CCDC144A: variants seen among roughly 807,000 people sequenced by gnomAD.
CCDC144A encodes coiled-coil domain containing 144A, also known as coiled-coil domain-containing protein 144A.
A neutral mutation model predicts 143.8 loss-of-function variants in CCDC144A; 41 were observed. The observed-to-expected ratio is 0.29, with a 90% CI of 0.22 to 0.37. CCDC144A has a LOEUF of 0.37. Among genes scored for constraint, CCDC144A ranks in the 10% least tolerant of loss-of-function variants. The probability of loss-of-function intolerance (pLI) is 1.00; values close to 1 mark genes in which losing one functional copy is unlikely to be tolerated. For synonymous variants in CCDC144A, 242 were observed against 517.9 expected (o/e 0.47, Z 7.23); for missense variants, 637 against 1,488.8 (o/e 0.43, Z 9.41).
intron 9 of CCDC144A, among the ~76,000 whole-genome samples, chr17:16,729,991 T>TATATATATATATATATACACAC (rs1491438660): frequency 1.7e-4 from 19 of 114,856 alleles, no homozygotes; most frequent in African/African-American, 5.7e-4. Flanking sequence ...TATATATATA[T>TATATATATATATATATACACAC]ACACACATAC....
intron 15 of CCDC144A, among the ~76,000 whole-genome samples, chr17:16,769,202 C>T (rs558503153): frequency 2.6e-4 from 39 of 152,254 alleles, no homozygotes; most frequent in Middle Eastern, 3.4e-3. Flanking sequence ...TGGGCAGACA[C>T]ATCTTTTGAA....
chr17:16,751,777 C>A (rs1914805456), intron 12 of CCDC144A, among the ~76,000 whole-genome samples: 1 of 152,248 alleles, frequency 6.6e-6, no homozygotes, highest in Admixed American at 6.5e-5. Context: ...GATCCCCGGG[C>A]AGGGCTGTGG....
At chr17:16,771,886 T>C in intron 15 of CCDC144A, 91 bp from the exon 16 acceptor site, 2 of 1,036,880 alleles carry the variant, frequency 1.9e-6, no homozygotes, top group Non-Finnish European at 2.8e-6. Context: ...TCTGTAAAAG[T>C]ATTATTTAAA....
rs758971425 is a variant in CCDC144A at position 16,709,536 on chromosome 17, A to C, written c.1479A>C (p.Glu493Asp). ...GAACATCAGAAGTATATCTACATGA[A>C]GAATTACAGCAAGACATGCAAAAGT... ...SDRTSEVYLH[E>D]ELQQDMQKFK... Residue 493 changes from glutamate to aspartate, a missense_variant, in exon 5 of 17, where the codon GAA becomes GAC. Transcript: ENST00000399273. 3 of 1,611,704 alleles carry C rather than the reference A, an allele frequency of 1.9e-6. No homozygotes were observed. In the South Asian group the frequency reaches 3.3e-5, roughly 18 times the overall value.
At position 16,711,792 on chromosome 17, in the gene CCDC144A, G is replaced by C; in HGVS notation, c.1692G>C (p.Arg564Ser). The stretch of plus-strand genomic sequence containing the variant: ...ATGGACTAAATCAGCAGATTCCTAG[G>C]AAGGAAAATGGAGAGCATGACAGGT... ...DDDGLNQQIP[R>S]KENGEHDRPA... The change falls in exon 6 of 17, where the codon AGG becomes AGC. Residue 564 changes from arginine to serine, a missense_variant. By Grantham distance (110) the Arg-to-Ser change is moderately radical (BLOSUM62 -1). Coordinates refer to ENST00000399273, the MANE Select transcript of CCDC144A (RefSeq NM_001382000.1). 6.3e-7 allele frequency: 1 copy of C among 1,587,662 alleles called. No individual in the cohort carries two copies. The highest frequency in any genetic ancestry group is 2.3e-5 in the East Asian group (1 of 44,270).
chr17:16,730,626 G>A (rs1432071259), intron 9 of CCDC144A, among the ~76,000 whole-genome samples: 1 of 113,608 alleles, frequency 8.8e-6, no homozygotes, highest in Admixed American at 9.0e-5. Flanking sequence ...TGAACATAGG[G>A]CATATTTCCA....
At chr17:16,728,120 T>G (rs1913522214) in intron 9 of CCDC144A, among the ~76,000 whole-genome samples, 1 of 152,226 alleles carries the variant, frequency 6.6e-6, no homozygotes, top group Middle Eastern at 3.2e-3. Context: ...TGATCATACC[T>G]CCCTGCAGCC....
At chr17:16,740,511 A>C (rs1405773211) in intron 12 of CCDC144A, among the ~76,000 whole-genome samples, 7 of 152,262 alleles carry the variant, frequency 4.6e-5, no homozygotes, top group Non-Finnish European at 8.8e-5. Flanking sequence ...GAATTTCAAA[A>C]TTTCAGAGCC....
In CCDC144A at chr17:16,712,315, A is replaced by G. The variant is rs563770668; in HGVS notation, c.1715+500A>G. Among the ~76,000 whole-genome samples, 572 of 152,214 alleles carry G rather than the reference A, an allele frequency of 3.8e-3. 5 individuals carry two copies. Among genetic ancestry groups the G allele is most frequent in the African/African-American group, 0.013 (542 of 41,508 alleles). On this transcript the variant is annotated intron_variant, in intron 6 of 16. Transcript: ENST00000399273. ...GACACCATGTTTTCTAATCATATTG[A>G]TATTTTATTTAAAAAATCGGAAGTA...
the CCDC144A span, among the ~76,000 whole-genome samples, chr17:16,682,883 GTTTTTTTTTTTTTTTTTTTT>G: frequency 2.2e-4 from 10 of 46,456 alleles, no homozygotes; most frequent in South Asian, 8.8e-4. Flanking sequence ...TGGATTCTCT[GTTTTTTTTTTTTTTTTTTTT>G]TTTTTTTTTT....
At chr17:16,757,263 G>T (rs1915135074) in intron 12 of CCDC144A, among the ~76,000 whole-genome samples, 1 of 152,276 alleles carries the variant, frequency 6.6e-6, no homozygotes, top group Non-Finnish European at 1.5e-5. Context: ...AAAGCAGGCT[G>T]CATGGGCATT....
At chr17:16,746,701 G>A (rs1236813227) in intron 12 of CCDC144A, 13 of 1,611,978 alleles carry the variant, frequency 8.1e-6, no homozygotes, top group South Asian at 2.2e-5. Context: ...CTGGCAGCGG[G>A]CGCAGCTGCT....
At chr17:16,743,239 T>C (rs924248019) in intron 12 of CCDC144A, among the ~76,000 whole-genome samples, 1 of 152,086 alleles carries the variant, frequency 6.6e-6, no homozygotes, top group Non-Finnish European at 1.5e-5. Context: ...TTTAAGTCTT[T>C]AATCTATTTT....
chr17:16,687,662 C>T (rs1910830901), upstream of CCDC144A, among the ~76,000 whole-genome samples: 1 of 152,126 alleles, frequency 6.6e-6, no homozygotes, highest in African/African-American at 2.4e-5. Context: ...ATGGAGGACT[C>T]GGGCCCATAG....
Position 16,743,696 on chromosome 17 carries a change from A to G in CCDC144A, c.3372+8053A>G, listed in dbSNP as rs915518831. Among the ~76,000 whole-genome samples, 31 of 152,138 alleles carry G rather than the reference A, an allele frequency of 2.0e-4. 1 individual carries two copies. The highest frequency in any genetic ancestry group is 6.7e-4 in the African/African-American group (28 of 41,512). On this transcript the variant is annotated intron_variant, in intron 12 of 16. Transcript: ENST00000399273. ...TTTTATCTTATTCTTTCTCTTTCTT[A>G]ACTTTCAGATTCAGGGAGTACATGT...
In CCDC144A at chr17:16,734,752, A is replaced by C; in HGVS notation, c.2481A>C (p.Glu827Asp). 3.8e-6 allele frequency: 6 copies of C among 1,589,266 alleles called. No individual in the cohort carries two copies. The highest frequency in any genetic ancestry group is 4.3e-6 in the Non-Finnish European group (5 of 1,170,300). The change falls in exon 12 of 17, where the codon GAA (glutamate) becomes GAC (aspartate). Residue 827 changes from glutamate to aspartate, a missense_variant. Coordinates refer to ENST00000399273, the MANE Select transcript of CCDC144A (RefSeq NM_001382000.1). ...LFHEDCMLQE[E>D]IALLRLEIDT... ...ATGAAGATTGCATGTTGCAGGAAGA[A>C]ATTGCCTTGCTGAGACTGGAAATAG...
intron 2 of CCDC144A, among the ~76,000 whole-genome samples, chr17:16,702,296 C>T (rs2143081965): frequency 6.6e-6 from 1 of 152,290 alleles, no homozygotes; most frequent in East Asian, 1.9e-4. Context: ...CGGTGTGGCT[C>T]AGAGTGAATA....
intron 12 of CCDC144A, among the ~76,000 whole-genome samples, chr17:16,750,969 A>G (rs1355345271): frequency 6.6e-6 from 1 of 152,110 alleles, no homozygotes; most frequent in Non-Finnish European, 1.5e-5. Flanking sequence ...TTTCTCTTTA[A>G]TCTCATTGAG....
intron 15 of CCDC144A, among the ~76,000 whole-genome samples, chr17:16,768,715 T>C (rs1349328116): frequency 6.6e-6 from 1 of 152,232 alleles, no homozygotes. Flanking sequence ...AGCAGTAGCC[T>C]GTCAATAAGT....
Sources: allele counts gnomAD v4.1 joint callset (sites outside exome capture counted in the v4.1 genomes callset), GRCh38; gene constraint gnomAD v4.1.1; transcripts MANE v1.5; gene names NCBI Gene and HGNC (gene_info 2026-07-23, HGNC 2026-07-21).